The following CERS6 variants were observed in gnomAD, a reference collection of about 807,000 sequenced individuals.
CERS6 encodes LAG1 homolog, ceramide synthase 6.
CERS6 carries 26 observed loss-of-function variants against 56.8 expected under a neutral mutation model. The observed-to-expected ratio is 0.46, with a 90% CI of 0.34 to 0.63. CERS6 has a LOEUF of 0.63. CERS6 is among the 30% of genes least tolerant of loss of function. The pLI, the probability that CERS6 is intolerant of heterozygous loss-of-function variation, is 0.01. For missense variants in CERS6, 415 were observed against 467.5 expected, an observed-to-expected ratio of 0.89 and a Z score of 1.04; for synonymous variants, 164 against 173.3, an observed-to-expected ratio of 0.95 and a Z score of 0.42.
chr2:168,558,485 C>T (rs1045459533), intron 2 of CERS6, among the ~76,000 whole-genome samples: 3 of 152,122 alleles, frequency 2.0e-5, no homozygotes, highest in African/African-American at 7.2e-5. Context: ...AAAGCCCGGA[C>T]AAATGTCTGT....
At chr2:168,718,357 C>T (rs923811557) in intron 8 of CERS6, among the ~76,000 whole-genome samples, 1 of 152,150 alleles carries the variant, frequency 6.6e-6, no homozygotes, top group African/African-American at 2.4e-5. Flanking sequence ...AGAGGGTTGT[C>T]CCTGGATTAG....
intron 8 of CERS6, among the ~76,000 whole-genome samples, chr2:168,737,199 C>T (rs1683740823): frequency 6.6e-6 from 1 of 152,180 alleles, no homozygotes; most frequent in Non-Finnish European, 1.5e-5. Context: ...GCTGTACTCA[C>T]TACAGTTGTG....
chr2:168,685,215 T>C (rs1686317726), intron 4 of CERS6, among the ~76,000 whole-genome samples: 1 of 152,172 alleles, frequency 6.6e-6, no homozygotes, highest in Non-Finnish European at 1.5e-5. Context: ...CCCACACACC[T>C]TTTACATCTT....
intron 1 of CERS6, among the ~76,000 whole-genome samples, chr2:168,496,338 ATT>A (rs760222866): frequency 1.4e-5 from 2 of 147,976 alleles, no homozygotes; most frequent in African/African-American, 4.9e-5. Context: ...GGAAGTCATG[ATT>A]TTTTTTTTTT....
chr2:168,721,880 A>G (rs1011934201), intron 8 of CERS6, among the ~76,000 whole-genome samples: 1 of 152,106 alleles, frequency 6.6e-6, no homozygotes, highest in Admixed American at 6.6e-5. Context: ...TAGGCTTCCC[A>G]AAGTGCTGGT....
intron 1 of CERS6, among the ~76,000 whole-genome samples, chr2:168,530,626 T>G (rs1266575925): frequency 6.6e-6 from 1 of 152,226 alleles, no homozygotes; most frequent in Non-Finnish European, 1.5e-5. Context: ...ACAGCTAGAT[T>G]CTGTGTTTCT....
chr2:168,632,119 T>A (rs1574114775), intron 4 of CERS6, among the ~76,000 whole-genome samples: 1 of 151,730 alleles, frequency 6.6e-6, no homozygotes, highest in Non-Finnish European at 1.5e-5. Flanking sequence ...TACTGTCGGG[T>A]TAGACTCCTT....
Position 168,564,127 on chromosome 2 carries a change from C to T in CERS6, c.407+2805C>T, listed in dbSNP as rs1399689292. 2.0e-5 allele frequency among the ~76,000 whole-genome samples: 3 copies of T among 152,062 alleles called. No individual in the cohort carries two copies. The East Asian group carries it at 5.8e-4, about 29-fold the overall frequency. ...GATTTAGTCTTCAATCTCATTTTTC[C>T]CTTGCCCTACCTTCCATTCTGTGTG... On this transcript the variant is annotated intron_variant, in intron 3 of 9. Transcript: ENST00000305747.
At chr2:168,574,524 G>A (rs1683206288) in intron 3 of CERS6, among the ~76,000 whole-genome samples, 1 of 151,936 alleles carries the variant, frequency 6.6e-6, no homozygotes, top group Non-Finnish European at 1.5e-5. Flanking sequence ...ATCATCCTTA[G>A]GATGAACAAA....
intron 1 of CERS6, among the ~76,000 whole-genome samples, chr2:168,514,695 T>A (rs1461131156): frequency 1.3e-5 from 2 of 152,234 alleles, no homozygotes; most frequent in Non-Finnish European, 2.9e-5. Context: ...GGGGTGTTTT[T>A]TCTTTAGAAA....
intron 3 of CERS6, among the ~76,000 whole-genome samples, chr2:168,589,163 G>A (rs532540600): frequency 6.6e-6 from 1 of 152,318 alleles, no homozygotes; most frequent in East Asian, 1.9e-4. Flanking sequence ...CCCAGCAACA[G>A]TAAACAAGGG....
intron 4 of CERS6, among the ~76,000 whole-genome samples, chr2:168,650,822 T>A (rs936016758): frequency 2.0e-5 from 3 of 152,252 alleles, no homozygotes; most frequent in Non-Finnish European, 2.9e-5. Context: ...TTTCCTACTG[T>A]CATACAATAT....
intron 3 of CERS6, among the ~76,000 whole-genome samples, chr2:168,598,765 T>G (rs2105259925): frequency 1.3e-5 from 2 of 152,346 alleles, no homozygotes; most frequent in East Asian, 3.9e-4. Context: ...TTAATTTGTT[T>G]AAAGTGGTGT....
At position 168,695,068 on chromosome 2, in the gene CERS6, C is replaced by T. The variant is rs747386649; in HGVS notation, c.609+17C>T. The stretch of plus-strand genomic sequence containing the variant: ...AAAAGAAAGGTAAGAGCGGTTATGT[C>T]GTAAAGTGCTTGCAAGCATGCATCT... On this transcript the variant is annotated intron_variant, in intron 6 of 9. Coordinates refer to ENST00000305747, the MANE Select transcript of CERS6 (RefSeq NM_203463.3). The T allele has an allele frequency of 2.4e-5, 38 of 1,594,990 alleles. No individual in the cohort carries two copies. Among genetic ancestry groups the T allele is most frequent in the East Asian group, 1.6e-4 (7 of 44,816 alleles).
intron 3 of CERS6, among the ~76,000 whole-genome samples, chr2:168,617,116 C>A (rs1181874134): frequency 6.6e-6 from 1 of 152,128 alleles, no homozygotes; most frequent in African/African-American, 2.4e-5. Flanking sequence ...TATTAAATAA[C>A]CTGCTCCTGA....
rs529010702 is a variant in CERS6, at chr2:168,495,406, G to A, written c.170+38788G>A. ...TTAACAGGGATCAGAAAGACTGGTC[G>A]GAGTTGTAAAAATGCACAATGCAGT... On this transcript the variant is annotated intron_variant, in intron 1 of 9. Coordinates refer to ENST00000305747, the MANE Select transcript of CERS6 (RefSeq NM_203463.3). 3.9e-5 allele frequency among the ~76,000 whole-genome samples: 6 copies of A among 152,290 alleles called. No individual in the cohort carries two copies. The South Asian group carries it at 6.2e-4, about 16-fold the overall frequency.
chr2:168,559,803 T>C (rs1695755939), intron 2 of CERS6, among the ~76,000 whole-genome samples: 1 of 142,300 alleles, frequency 7.0e-6, no homozygotes, highest in African/African-American at 2.6e-5. Context: ...TCCTTACCCC[T>C]ATTTTTCCTG....
chr2:168,462,581 G>A (rs540609431), intron 1 of CERS6, among the ~76,000 whole-genome samples: 33 of 152,252 alleles, frequency 2.2e-4, no homozygotes, highest in African/African-American at 7.2e-4. Flanking sequence ...GCTTCACTCC[G>A]TTGTCCAGGC....
intron 3 of CERS6, among the ~76,000 whole-genome samples, chr2:168,596,546 T>TCCCCCC (rs368692828): frequency 2.8e-5 from 3 of 106,334 alleles, no homozygotes; most frequent in Non-Finnish European, 6.0e-5. Context: ...CAGGGCCCCA[T>TCCCCCC]CCCCCCCCCT....
Sources: allele counts gnomAD v4.1 joint callset (sites outside exome capture counted in the v4.1 genomes callset), GRCh38; gene constraint gnomAD v4.1.1; transcripts MANE v1.5; gene names NCBI Gene and HGNC (gene_info 2026-07-23, HGNC 2026-07-21).